BCORL1: variants seen among roughly 807,000 people sequenced by gnomAD.
The protein encoded by BCORL1 is BCL-6 corepressor-like protein 1.
Under a neutral mutation model 87.6 loss-of-function variants are expected in BCORL1, and 7 were observed. The observed-to-expected ratio is 0.08, with a 90% CI of 0.05 to 0.15. BCORL1 has a LOEUF of 0.15. Among genes scored for constraint, BCORL1 ranks in the 10% least tolerant of loss-of-function variants. The pLI is 1.00. For missense variants in BCORL1, 1,215 were observed against 1,499.7 expected (o/e 0.81, Z 3.13); for synonymous variants, 591 against 634.4 (o/e 0.93, Z 1.03).
chrX:130,035,927 T>G (rs749087191), intron 9 of BCORL1, among the ~76,000 whole-genome samples: 1 of 112,347 alleles, frequency 8.9e-6, no homozygotes, highest in Admixed American at 9.4e-5. Context: ...AGCTTGACAG[T>G]TTCTATATAC....
chrX:130,021,755 C>T (rs760999824), intron 5 of BCORL1, among the ~76,000 whole-genome samples: 34 of 110,702 alleles, frequency 3.1e-4, no homozygotes, highest in Non-Finnish European at 5.7e-4. Context: ...TCTTGCCCAC[C>T]TGACGTGACT....
intron 1 of BCORL1, among the ~76,000 whole-genome samples, chrX:129,999,346 T>A (rs1223853207): frequency 8.1e-5 from 8 of 98,876 alleles, no homozygotes; most frequent in South Asian, 5.2e-4. Context: ...TCTCCCTCTG[T>A]TGCCCAGGCT....
At chrX:130,041,401 T>G (rs769392606) in intron 11 of BCORL1, among the ~76,000 whole-genome samples, 1 of 111,411 alleles carries the variant, frequency 9.0e-6, no homozygotes. Context: ...TGGCGCGATC[T>G]TGGCTCACTG....
At chrX:130,054,919 A>T (rs1932278982) in intron 13 of BCORL1, among the ~76,000 whole-genome samples, 1 of 111,226 alleles carries the variant, frequency 9.0e-6, no homozygotes, top group Non-Finnish European at 1.9e-5. Context: ...AAAAAAAGAA[A>T]AGAAAACTGT....
chrX:130,026,270 G>C (rs767367962), intron 7 of BCORL1, among the ~76,000 whole-genome samples: 1 of 112,278 alleles, frequency 8.9e-6, no homozygotes, highest in Non-Finnish European at 1.9e-5. Flanking sequence ...CTCCTTATTA[G>C]CTAAAACTGA....
At chrX:130,001,287 C>T (rs1236356306) in intron 1 of BCORL1, among the ~76,000 whole-genome samples, 1 of 111,686 alleles carries the variant, frequency 9.0e-6, no homozygotes, top group Non-Finnish European at 1.9e-5. Flanking sequence ...TGGGGTTTCC[C>T]CATGTTGGCT....
rs2124471072 is a variant in BCORL1, at chrX:130,020,992, A to G, written c.3449A>G (p.Lys1150Arg). 8.5e-7 allele frequency: 1 copy of G among 1,170,027 alleles called. No individual in the cohort carries two copies. The highest frequency in any genetic ancestry group is 1.8e-5 in the African/African-American group (1 of 54,480). The change falls in exon 5 of 14, where the codon AAG (lysine) becomes AGG (arginine). Residue 1150 changes from lysine (K) to arginine (R), a missense_variant. Physicochemically the swap from Lys to Arg is conservative, Grantham distance 26 (BLOSUM62 2). Around this residue, in one of 5 missense-constraint regions of BCORL1, gnomAD observed 861 missense variants for 1,010.0 expected, o/e 0.85. Transcript: ENST00000540052. ...CCCTCTACCTCTCCACAGTGCCGGA[A>G]GCTGCCCAGTGACCCCCAGGAATCC... ...VRSSHRPKCR[K>R]LPSDPQESTK...
In BCORL1 at chrX:130,034,598, C is replaced by T. The variant is rs769501535; in HGVS notation, c.4449C>T (p.Pro1483=). The change falls in exon 9 of 14, where the codon CCC becomes CCT. Residue 1483 remains proline (P), a synonymous_variant. Transcript: ENST00000540052. Reference sequence around the variant, plus strand: ...AGTCACCTACAGCCCGGCAGATCCCCCCAGAGGCACGTCGGCTCATAGTGA... The same window carrying T: ...AGTCACCTACAGCCCGGCAGATCCCTCCAGAGGCACGTCGGCTCATAGTGA... ...ASESPTARQI[P]PEARRLIVNK... 6.1e-6 allele frequency: 6 copies of T among 981,511 alleles called. No individual in the cohort carries two copies. The highest frequency in any genetic ancestry group is 6.1e-5 in the Admixed American group (2 of 32,760). The allele number at this position is 981,511 out of a possible 1,213,427, so 80.9% of individuals were successfully genotyped here. A position where few individuals can be genotyped will look rare whatever the true frequency, so the allele number is the denominator to read the frequency against.
intron 11 of BCORL1, among the ~76,000 whole-genome samples, chrX:130,046,957 G>A (rs1931794275): frequency 1.0e-5 from 1 of 96,374 alleles, no homozygotes; most frequent in African/African-American, 4.0e-5. Flanking sequence ...CTGTCTCTAT[G>A]GATTTCCCTA....
Position 129,990,921 on chromosome X carries a change from A to T in BCORL1, c.-45+8159A>T, listed in dbSNP as rs185212694. On this transcript the variant is annotated intron_variant, in intron 1 of 13. Coordinates refer to ENST00000540052, the MANE Select transcript of BCORL1 (RefSeq NM_001379451.1). Reference sequence around the variant, plus strand: ...GGCTGTTGTGTTTATTTAATTAATTAATTTATTTGTTTATTTATTGATTGA... The same window carrying T: ...GGCTGTTGTGTTTATTTAATTAATTTATTTATTTGTTTATTTATTGATTGA... 3.4e-4 allele frequency among the ~76,000 whole-genome samples: 38 copies of T among 110,866 alleles called. No homozygotes were observed. In the Middle Eastern group the frequency reaches 0.023, roughly 67 times the overall value.
At position 130,014,107 on chromosome X, in the gene BCORL1, G is replaced by A. The variant is rs1283618952; in HGVS notation, c.1335G>A (p.Pro445=). 8.3e-7 allele frequency: 1 copy of A among 1,210,477 alleles called. No homozygotes were observed. Among genetic ancestry groups the A allele is most frequent in the Admixed American group, 2.2e-5 (1 of 45,953 alleles). Residue 445 remains proline, a synonymous_variant, in exon 4 of 14, where the codon CCG becomes CCA. Transcript: ENST00000540052. ...LSFQPGTVLT[P]SQPLVYIPPP... ...TTCAGCCAGGGACAGTGCTGACCCC[G>A]AGCCAGCCGCTGGTATATATCCCGC...
intron 11 of BCORL1, among the ~76,000 whole-genome samples, chrX:130,042,422 G>A (rs1290095840): frequency 1.8e-5 from 2 of 111,323 alleles, no homozygotes; most frequent in African/African-American, 6.5e-5. Context: ...CTCAATTTAT[G>A]GGCATGAATC....
intron 2 of BCORL1, among the ~76,000 whole-genome samples, chrX:130,006,137 A>G (rs1443420997): frequency 9.0e-6 from 1 of 111,337 alleles, no homozygotes; most frequent in African/African-American, 3.3e-5. Context: ...TGAAGTATCA[A>G]AGGAAGTTGA....
intron 11 of BCORL1, among the ~76,000 whole-genome samples, chrX:130,046,842 A>G (rs1214244835): frequency 5.4e-5 from 6 of 110,673 alleles, no homozygotes; most frequent in Admixed American, 1.9e-4. Flanking sequence ...CACCGCGCCC[A>G]GCCTCCCAAA....
chrX:129,999,526 T>G (rs1374267015), intron 1 of BCORL1, among the ~76,000 whole-genome samples: 1 of 109,433 alleles, frequency 9.1e-6, no homozygotes, highest in African/African-American at 3.3e-5. Flanking sequence ...CAGGCTGATC[T>G]TGAACTCCTG....
intron 8 of BCORL1, among the ~76,000 whole-genome samples, chrX:130,029,356 T>C (rs1426129445): frequency 9.0e-6 from 1 of 111,346 alleles, no homozygotes; most frequent in Non-Finnish European, 1.9e-5. Context: ...TAGCTTCTCA[T>C]GGAAGCGTAG....
chrX:130,035,357 A>G (rs1465343998), intron 9 of BCORL1, among the ~76,000 whole-genome samples: 1 of 112,422 alleles, frequency 8.9e-6, no homozygotes. Flanking sequence ...CCCAAGTGCC[A>G]GGGTAGGTGG....
At position 130,015,426 on chromosome X, in the gene BCORL1, C is replaced by T; in HGVS notation, c.2654C>T (p.Pro885Leu). Residue 885 changes from proline to leucine, a missense_variant, in exon 4 of 14, where the codon CCT becomes CTT. Physicochemically the swap from Pro to Leu is moderately conservative, Grantham distance 98. Transcript: ENST00000540052. ...LSSSEAVHGLPEGQPRPGGSF... is the reference protein window; with the variant it reads ...LSSSEAVHGLLEGQPRPGGSF... ...TCCAGCGAAGCCGTGCACGGACTTCCTGAGGGGCAACCACGGCCTGGGGGC... is the reference window on the plus strand; with the variant it reads ...TCCAGCGAAGCCGTGCACGGACTTCTTGAGGGGCAACCACGGCCTGGGGGC... 8.2e-7 allele frequency: 1 copy of T among 1,212,341 alleles called. No homozygotes were observed.
intron 11 of BCORL1, among the ~76,000 whole-genome samples, chrX:130,050,374 G>A (rs906444686): frequency 9.0e-6 from 1 of 110,667 alleles, no homozygotes; most frequent in African/African-American, 3.3e-5. Flanking sequence ...GGAGTTCAAG[G>A]TGCCGTGAGC....
Sources: gnomAD v4.1 joint callset for allele counts (sites outside exome capture counted in the v4.1 genomes callset) on GRCh38, gnomAD v4.1.1 for gene constraint, gnomAD v4.1.1 regional missense constraint, MANE v1.5 for transcripts, NCBI Gene and HGNC (gene_info 2026-07-23, HGNC 2026-07-21) for gene names.